Variants in BCAS4 observed in about 807,000 individuals in gnomAD.
BCAS4 encodes the protein breast carcinoma amplified sequence 4, also known as breast carcinoma-amplified sequence 4.
Under a neutral mutation model 15.7 loss-of-function variants are expected in BCAS4, and 9 were observed. That is an observed-to-expected ratio of 0.57 (90% CI 0.34 to 1.00). BCAS4 has a LOEUF of 1.00. Among genes scored for constraint, BCAS4 ranks in the 50% least tolerant of loss-of-function variants. The pLI, the probability that BCAS4 is intolerant of heterozygous loss-of-function variation, is 0.02. For missense variants in BCAS4, 225 were observed against 239.1 expected, an observed-to-expected ratio of 0.94 and a Z score of 0.39; for synonymous variants, 101 against 99.5, an observed-to-expected ratio of 1.02 and a Z score of -0.09.
At chr20:50,819,676 C>T (rs2088189427) in intron 2 of BCAS4, among the ~76,000 whole-genome samples, 1 of 152,058 alleles carries the variant, frequency 6.6e-6, no homozygotes, top group African/African-American at 2.4e-5. Context: ...TCAATTTTTA[C>T]GTTCAGATGT....
chr20:50,806,713 T>G (rs911666052), intron 1 of BCAS4, among the ~76,000 whole-genome samples: 28 of 151,852 alleles, frequency 1.8e-4, no homozygotes, highest in African/African-American at 6.3e-4. Context: ...TATTTTTTAA[T>G]TTTTGGGGGT....
intron 1 of BCAS4, among the ~76,000 whole-genome samples, chr20:50,813,856 C>T (rs2088103487): frequency 1.3e-5 from 2 of 151,480 alleles, no homozygotes. Flanking sequence ...AAAACCCACT[C>T]ACCATCTCCA....
In BCAS4 at chr20:50,859,233, C is replaced by T. The variant is rs568921649; in HGVS notation, c.400-17253C>T. On this transcript the variant is annotated intron_variant, in intron 4 of 4. Coordinates refer to ENST00000371608, the MANE Select transcript of BCAS4 (RefSeq NM_198799.4). ...CTGAGATTACAGGCTTGAGCGACCACGCCTAGCCTCGGTTTTGAATATTTT... is the reference window on the plus strand; with the variant it reads ...CTGAGATTACAGGCTTGAGCGACCATGCCTAGCCTCGGTTTTGAATATTTT... Among the ~76,000 whole-genome samples, 11 of 152,308 alleles carry T rather than the reference C, an allele frequency of 7.2e-5. 1 individual carries two copies. The highest frequency in any genetic ancestry group is 3.9e-4 in the Admixed American group (6 of 15,292).
At chr20:50,818,132 T>TAAAAAA in intron 1 of BCAS4, 79 bp from the exon 2 acceptor site, 2 of 1,198,888 alleles carry the variant, frequency 1.7e-6, no homozygotes, top group Non-Finnish European at 2.3e-6. Context: ...TAGTTTGCTT[T>TAAAAAA]AAAAAAAAAA....
In BCAS4 at chr20:50,872,548, G is replaced by A. The variant is rs571994307; in HGVS notation, c.400-3938G>A. ...ATCACGCCACTGCACTCCAGCCTGGGCGACAGAGCGAGACTCCATCTCAAA... is the reference window on the plus strand; with the variant it reads ...ATCACGCCACTGCACTCCAGCCTGGACGACAGAGCGAGACTCCATCTCAAA... On this transcript the variant is annotated intron_variant, in intron 4 of 4. Coordinates refer to ENST00000371608, the MANE Select transcript of BCAS4 (RefSeq NM_198799.4). Among the ~76,000 whole-genome samples the A allele has an allele frequency of 8.0e-5, 12 of 150,768 alleles. 1 individual carries two copies. The South Asian group carries it at 2.1e-3, about 26-fold the overall frequency.
chr20:50,818,966 T>C (rs576570157), intron 2 of BCAS4, among the ~76,000 whole-genome samples: 49 of 152,100 alleles, frequency 3.2e-4, no homozygotes, highest in Non-Finnish European at 5.9e-4. Context: ...GCAGATCACT[T>C]GAGGTCAGGA....
rs1337879095 is a variant in BCAS4 at position 50,812,377 on chromosome 20, C to A, written c.91-5834C>A. ...CTCGATCTCCTGACGTTGTGATCCGCCCCCCCTTGGCCTCCCAAAGTACTG... is the reference window on the plus strand; with the variant it reads ...CTCGATCTCCTGACGTTGTGATCCGACCCCCCTTGGCCTCCCAAAGTACTG... On this transcript the variant is annotated intron_variant, in intron 1 of 4. Coordinates refer to ENST00000371608, the MANE Select transcript of BCAS4 (RefSeq NM_198799.4). Among the ~76,000 whole-genome samples the A allele has an allele frequency of 1.7e-3, 200 of 120,978 alleles. 2 individuals carry two copies. The highest frequency in any genetic ancestry group is 0.016 in the Middle Eastern group (4 of 246). The allele number at this position is 120,978 out of a possible 152,430, so 79.4% of individuals were successfully genotyped here. A position where few individuals can be genotyped will look rare whatever the true frequency, so the allele number is the denominator to read the frequency against.
At chr20:50,874,818 T>C (rs1979842253) in intron 4 of BCAS4, among the ~76,000 whole-genome samples, 1 of 152,084 alleles carries the variant, frequency 6.6e-6, no homozygotes, top group Admixed American at 6.5e-5. Context: ...TCATTGGCCA[T>C]AGTCTGGAGC....
chr20:50,795,310 G>A (rs1269107830), intron 1 of BCAS4, 137 bp downstream of exon 1: 3 of 799,378 alleles, frequency 3.8e-6, no homozygotes, highest in Non-Finnish European at 5.1e-6. Context: ...CTGAAGGGTG[G>A]CTGCGGGGCG....
intron 4 of BCAS4, among the ~76,000 whole-genome samples, chr20:50,852,744 A>G (rs1391100685): frequency 6.6e-6 from 1 of 152,152 alleles, no homozygotes; most frequent in Non-Finnish European, 1.5e-5. Flanking sequence ...GATTTTGAAA[A>G]CAGGTCTGAG....
At chr20:50,838,536 A>G (rs1480988920) in intron 3 of BCAS4, among the ~76,000 whole-genome samples, 2 of 152,066 alleles carry the variant, frequency 1.3e-5, no homozygotes. Flanking sequence ...ATGGTGAAAC[A>G]CCGTCTTTAT....
chr20:50,804,405 T>G (rs1170076286), intron 1 of BCAS4, among the ~76,000 whole-genome samples: 1 of 152,222 alleles, frequency 6.6e-6, no homozygotes, highest in Non-Finnish European at 1.5e-5. Context: ...CCTGATTATT[T>G]TCAGCAGTTA....
intron 4 of BCAS4, among the ~76,000 whole-genome samples, chr20:50,869,272 C>A (rs1175956794): frequency 6.6e-6 from 1 of 152,162 alleles, no homozygotes; most frequent in African/African-American, 2.4e-5. Flanking sequence ...GAAGGTGGGC[C>A]TCTAGCAGCA....
intron 4 of BCAS4, among the ~76,000 whole-genome samples, chr20:50,858,175 C>G (rs1450580712): frequency 1.3e-5 from 2 of 152,210 alleles, no homozygotes; most frequent in Non-Finnish European, 2.9e-5. Flanking sequence ...CCAGGAACCC[C>G]TTTCAGTTAT....
downstream of BCAS4, chr20:50,879,244 A>T (rs535455594): frequency 9.2e-5 from 14 of 152,278 alleles, no homozygotes; most frequent in African/African-American, 3.4e-4. Context: ...TGGCCGGGTG[A>T]GGTGGCTCAC....
Position 50,857,707 on chromosome 20 carries a change from C to T in BCAS4, c.399+15807C>T, listed in dbSNP as rs191735856. On this transcript the variant is annotated intron_variant, in intron 4 of 4. Coordinates refer to ENST00000371608, the MANE Select transcript of BCAS4 (RefSeq NM_198799.4). ...TGCAAATTCGAGGTCCTCTGTGACC[C>T]CCACCTCCACTTCCACCCTTATTCC... Among the ~76,000 whole-genome samples, 37 of 152,280 alleles carry T rather than the reference C, an allele frequency of 2.4e-4. 1 individual carries two copies. The East Asian group carries it at 7.0e-3, about 29-fold the overall frequency.
downstream of BCAS4, chr20:50,881,574 C>T (rs959188910): frequency 2.6e-5 from 4 of 152,084 alleles, no homozygotes; most frequent in African/African-American, 9.7e-5. Flanking sequence ...GATACTCAAC[C>T]TTAATGTATG....
chr20:50,840,619 G>A, intron 3 of BCAS4: 3 of 1,599,834 alleles, frequency 1.9e-6, no homozygotes, highest in African/African-American at 1.3e-5. Context: ...GCCTCATTAC[G>A]ATTCGCCTGC....
intron 4 of BCAS4, among the ~76,000 whole-genome samples, chr20:50,874,674 G>C (rs1284678168): frequency 6.6e-6 from 1 of 152,166 alleles, no homozygotes; most frequent in East Asian, 1.9e-4. Context: ...GTGTGACTTG[G>C]GGCAGGGCAA....
Sources: allele counts gnomAD v4.1 joint callset (sites outside exome capture counted in the v4.1 genomes callset), GRCh38; gene constraint gnomAD v4.1.1; transcripts MANE v1.5; gene names NCBI Gene and HGNC (gene_info 2026-07-23, HGNC 2026-07-21).